CDKAL1: variants seen among roughly 807,000 people sequenced by gnomAD.
CDKAL1 encodes CDKAL1 threonylcarbamoyladenosine tRNA methylthiotransferase, also known as threonylcarbamoyladenosine tRNA methylthiotransferase.
A neutral mutation model predicts 68.2 loss-of-function variants in CDKAL1; 32 were observed. The ratio of observed to expected loss-of-function variants is 0.47; its 90% CI spans 0.35 to 0.63. The LOEUF is 0.63. Among genes scored for constraint, CDKAL1 ranks in the 30% least tolerant of loss-of-function variants. The pLI is 0.00. For missense variants in CDKAL1, 606 were observed against 696.7 expected (o/e 0.87, Z 1.47); for synonymous variants, 234 against 244.3 (o/e 0.96, Z 0.39).
intron 10 of CDKAL1, among the ~76,000 whole-genome samples, chr6:20,985,828 T>C (rs1766423609): frequency 6.6e-6 from 1 of 152,108 alleles, no homozygotes; most frequent in African/African-American, 2.4e-5. Context: ...CTTTTAAGAC[T>C]TCCCTTTCTG....
Position 20,552,618 on chromosome 6 carries a change from ATT to A in CDKAL1, c.286+3928_286+3929del, listed in dbSNP as rs11320714. ...TAAGGAAGTAATTACTTGAATGGGA[ATT>A]TTTTTTTTTTTTTTGCTAATGTAGC... On this transcript the variant is annotated intron_variant, in intron 4 of 15. Transcript: ENST00000274695. 6.0e-3 allele frequency among the ~76,000 whole-genome samples: 838 copies of A among 139,172 alleles called. 9 individuals carry two copies. The highest frequency in any genetic ancestry group is 0.016 in the African/African-American group (622 of 37,860). 91.3% of individuals were successfully genotyped at this position (139,172 alleles called of 152,430 possible). A position where few individuals can be genotyped will look rare whatever the true frequency, so the allele number is the denominator to read the frequency against.
chr6:20,737,463 A>G (rs1773248211), intron 5 of CDKAL1, among the ~76,000 whole-genome samples: 1 of 152,242 alleles, frequency 6.6e-6, no homozygotes, highest in Admixed American at 6.5e-5. Context: ...CATTTTAGGA[A>G]GCAGGCTTTT....
Position 21,195,477 on chromosome 6 carries a change from TTTTATTTATTTA to T in CDKAL1, c.1300-2504_1300-2493del, listed in dbSNP as rs70993212. Among the ~76,000 whole-genome samples, 752 of 118,574 alleles carry T rather than the reference TTTTATTTATTTA, an allele frequency of 6.3e-3. 4 individuals carry two copies. The highest frequency in any genetic ancestry group is 0.023 in the East Asian group (96 of 4,140). The allele number at this position is 118,574 out of a possible 152,430, so 77.8% of individuals were successfully genotyped here. A position where few individuals can be genotyped will look rare whatever the true frequency, so the allele number is the denominator to read the frequency against. ...CGTGCCTGGCCTCTGGAGATGTTTT[TTTTATTTATTTA>T]TTTATTTATTTATTTATTTATTTAT... On this transcript the variant is annotated intron_variant, in intron 13 of 15. Coordinates refer to ENST00000274695, the MANE Select transcript of CDKAL1 (RefSeq NM_017774.3).
chr6:21,157,322 G>A (rs1776694490), intron 13 of CDKAL1, among the ~76,000 whole-genome samples: 1 of 152,168 alleles, frequency 6.6e-6, no homozygotes, highest in African/African-American at 2.4e-5. Flanking sequence ...TCTTTTCTCA[G>A]CCAGACACTG....
chr6:21,088,726 G>C (rs1446563324), intron 12 of CDKAL1, among the ~76,000 whole-genome samples: 3 of 152,156 alleles, frequency 2.0e-5, no homozygotes, highest in African/African-American at 4.8e-5. Context: ...TGGATCATTT[G>C]AGGTCAGGAG....
At chr6:21,129,535 AT>A (rs1436384076) in intron 13 of CDKAL1, among the ~76,000 whole-genome samples, 1 of 151,944 alleles carries the variant, frequency 6.6e-6, no homozygotes, top group Non-Finnish European at 1.5e-5. Context: ...ATAATTTACA[AT>A]TTCCCAACAG....
chr6:20,666,003 T>G (rs1322187344), intron 5 of CDKAL1, among the ~76,000 whole-genome samples: 3 of 151,968 alleles, frequency 2.0e-5, no homozygotes, highest in African/African-American at 7.3e-5. Context: ...ACTTACTGAT[T>G]AAAATTTCTA....
chr6:20,776,952 A>G (rs1775198394), intron 7 of CDKAL1, among the ~76,000 whole-genome samples: 1 of 152,176 alleles, frequency 6.6e-6, no homozygotes. Context: ...GATTTGGAGA[A>G]CTGTCAGGTT....
chr6:20,772,427 C>T (rs1164864249), intron 7 of CDKAL1, among the ~76,000 whole-genome samples: 1 of 152,164 alleles, frequency 6.6e-6, no homozygotes, highest in African/African-American at 2.4e-5. Flanking sequence ...TAAATTGACA[C>T]CACATAAGTC....
intron 5 of CDKAL1, among the ~76,000 whole-genome samples, chr6:20,726,168 T>C (rs952089873): frequency 5.8e-4 from 89 of 152,212 alleles, no homozygotes; most frequent in African/African-American, 2.1e-3. Context: ...CTATAAGACC[T>C]CATCTGCAGA....
intron 9 of CDKAL1, among the ~76,000 whole-genome samples, chr6:20,855,441 TCAAAAAAAAAA>T (rs1759281974): frequency 2.3e-5 from 1 of 44,086 alleles, no homozygotes; most frequent in Admixed American, 4.4e-4. Flanking sequence ...AGACTCCGTC[TCAAAAAAAAAA>T]AAAAAAAAAA....
At chr6:21,010,854 C>G (rs1372631177) in intron 11 of CDKAL1, among the ~76,000 whole-genome samples, 1 of 152,072 alleles carries the variant, frequency 6.6e-6, no homozygotes, top group African/African-American at 2.4e-5. Flanking sequence ...GAGGCCGAGG[C>G]GGGCAGATCA....
At chr6:20,959,843 T>A (rs1764966777) in intron 10 of CDKAL1, among the ~76,000 whole-genome samples, 1 of 152,170 alleles carries the variant, frequency 6.6e-6, no homozygotes, top group Non-Finnish European at 1.5e-5. Context: ...TAAAACTACA[T>A]TGCTTAGTTT....
chr6:20,550,732 G>T (rs968323410), intron 4 of CDKAL1, among the ~76,000 whole-genome samples: 2 of 152,014 alleles, frequency 1.3e-5, no homozygotes, highest in Non-Finnish European at 2.9e-5. Flanking sequence ...TGTACTAAAT[G>T]GAACTATAAT....
At chr6:20,721,877 C>T (rs927117894) in intron 5 of CDKAL1, among the ~76,000 whole-genome samples, 3 of 151,878 alleles carry the variant, frequency 2.0e-5, no homozygotes, top group African/African-American at 7.3e-5. Context: ...GGACTACAGG[C>T]TTGTGCCACC....
At chr6:20,649,440 T>A (rs112777214) in intron 5 of CDKAL1, 63 bp downstream of exon 5, 7 of 914,624 alleles carry the variant, frequency 7.7e-6, no homozygotes, top group South Asian at 1.5e-5. Context: ...ACCAAAAGAT[T>A]AGCTTTTTAA....
intron 13 of CDKAL1, among the ~76,000 whole-genome samples, chr6:21,194,870 A>G (rs1345750091): frequency 1.3e-5 from 2 of 152,086 alleles, no homozygotes; most frequent in African/African-American, 4.8e-5. Flanking sequence ...GTTTCTCTTA[A>G]AGGTTGTATT....
intron 4 of CDKAL1, among the ~76,000 whole-genome samples, chr6:20,593,724 G>T (rs1055237242): frequency 6.6e-6 from 1 of 151,622 alleles, no homozygotes; most frequent in Non-Finnish European, 1.5e-5. Flanking sequence ...GCTAGCTTTT[G>T]AATTTGTTTG....
intron 4 of CDKAL1, among the ~76,000 whole-genome samples, chr6:20,632,850 A>G (rs1411827862): frequency 1.3e-5 from 2 of 152,226 alleles, no homozygotes; most frequent in Admixed American, 1.3e-4. Context: ...CTGTGGGCAC[A>G]TAGAAAGCAG....
Sources: allele counts gnomAD v4.1 joint callset (sites outside exome capture counted in the v4.1 genomes callset), GRCh38; gene constraint gnomAD v4.1.1; transcripts MANE v1.5; gene names NCBI Gene and HGNC (gene_info 2026-07-23, HGNC 2026-07-21).